BCO1: variants seen among roughly 807,000 people sequenced by gnomAD.
BCO1 encodes the protein beta,beta-carotene 15,15'-dioxygenase.
BCO1 carries 54 observed loss-of-function variants against 56.3 expected under a neutral mutation model. That is an observed-to-expected ratio of 0.96 (90% CI 0.77 to 1.20). The LOEUF (loss-of-function observed/expected upper bound fraction) is 1.20. Ranked by LOEUF, BCO1 falls within the 50% of genes most tolerant of loss-of-function variation. The probability of loss-of-function intolerance (pLI) is 0.00; values close to 1 mark genes in which losing one functional copy is unlikely to be tolerated. For missense variants in BCO1, 801 were observed against 690.9 expected (o/e 1.16, Z -1.79); for synonymous variants, 318 against 266.1 (o/e 1.20, Z -1.90).
intron 7 of BCO1, among the ~76,000 whole-genome samples, chr16:81,272,847 A>T (rs1013367272): frequency 1.3e-5 from 2 of 152,208 alleles, no homozygotes; most frequent in Non-Finnish European, 2.9e-5. Flanking sequence ...GTCCCTGTAG[A>T]AGCCTCATTT....
Position 81,290,391 on chromosome 16 carries a change from G to A in BCO1, c.1458G>A (p.Leu486=). 3.7e-6 allele frequency: 6 copies of A among 1,614,148 alleles called. No homozygotes were observed. The highest frequency in any genetic ancestry group is 4.2e-6 in the Non-Finnish European group (5 of 1,180,026). Residue 486 remains leucine, a synonymous_variant, in exon 11 of 11, where the codon CTG becomes CTA. Coordinates refer to ENST00000258168, the MANE Select transcript of BCO1 (RefSeq NM_017429.3). ...TTGTCTCTACTGATCCCCAAAAGCT[G>A]CCTTTTCTGCTCATTCTGGATGCCA... is the stretch of plus-strand genomic sequence containing the variant. ...SAIVSTDPQK[L]PFLLILDAKS... is the part of the protein sequence containing the mutation.
In BCO1 at chr16:81,275,366, G is replaced by A. The variant is rs529281343; in HGVS notation, c.1101+4950G>A. 5.3e-5 allele frequency among the ~76,000 whole-genome samples: 8 copies of A among 152,352 alleles called. No individual in the cohort carries two copies. The South Asian group carries it at 8.3e-4, about 16-fold the overall frequency. ...GCCCAGACCGGGGAAGCCCAGGCCC[G>A]GGTGTGGTCTCAGAAACCCCCAGTG... On this transcript the variant is annotated intron_variant, in intron 7 of 10. Coordinates refer to ENST00000258168, the MANE Select transcript of BCO1 (RefSeq NM_017429.3).
chr16:81,264,884 G>T, intron 5 of BCO1, 97 bp downstream of exon 5: 1 of 1,389,852 alleles, frequency 7.2e-7, no homozygotes, highest in South Asian at 1.2e-5. Context: ...ATCCAGTGTG[G>T]TACTTTCTCC....
chr16:81,262,818 C>G, intron 4 of BCO1: 1 of 142,140 alleles, frequency 7.0e-6, no homozygotes, highest in Non-Finnish European at 1.5e-5. Context: ...CAGAGTGAGA[C>G]TCTGTCTCAA....
chr16:81,248,986 T>TG (rs1567699343), intron 2 of BCO1, among the ~76,000 whole-genome samples: 1 of 152,078 alleles, frequency 6.6e-6, no homozygotes, highest in Non-Finnish European at 1.5e-5. Flanking sequence ...CACTCCAGCC[T>TG]GGGTGACACA....
chr16:81,287,489 A>AC lies in BCO1; in HGVS notation c.1414+90dup, dbSNP rs573976599. ...CAGAGACACCATCTGGGGGCAGCTGACCCCCCCAGGTCATAAAGGGGGTGG... is the reference window on the plus strand; with the variant it reads ...CAGAGACACCATCTGGGGGCAGCTGACCCCCCCCAGGTCATAAAGGGGGTGG... On this transcript the variant is annotated intron_variant, in intron 10 of 10. Transcript: ENST00000258168. 9.5e-5 allele frequency: 103 copies of AC among 1,079,340 alleles called. No individual in the cohort carries two copies. The African/African-American group carries it at 1.3e-3, about 14-fold the overall frequency. 66.9% of individuals were successfully genotyped at this position (1,079,340 alleles called of 1,614,324 possible).
At chr16:81,245,849 CTTTT>C (rs1176582576) in intron 2 of BCO1, among the ~76,000 whole-genome samples, 7 of 93,390 alleles carry the variant, frequency 7.5e-5, no homozygotes, top group South Asian at 9.6e-4. Flanking sequence ...CCATCTCTGT[CTTTT>C]TTTTTTTTTT....
intron 2 of BCO1, among the ~76,000 whole-genome samples, chr16:81,255,899 C>T (rs1480589686): frequency 6.6e-6 from 1 of 151,992 alleles, no homozygotes; most frequent in East Asian, 1.9e-4. Context: ...GATTTCGGCT[C>T]ACTGCAAGCT....
rs565876557 is a variant in BCO1, at chr16:81,254,892, G to T, written c.194-4784G>T. ...GCTCACTGTAGCCTTGACCTCCCAG[G>T]CTCAAGTGATCCTCCCGCCTCAGCC... is the stretch of plus-strand genomic sequence containing the variant. On this transcript the variant is annotated intron_variant, in intron 2 of 10. Coordinates refer to ENST00000258168, the MANE Select transcript of BCO1 (RefSeq NM_017429.3). 1.2e-4 allele frequency among the ~76,000 whole-genome samples: 18 copies of T among 152,220 alleles called. No individual in the cohort carries two copies. In the South Asian group the frequency reaches 3.7e-3, roughly 32 times the overall value.
At chr16:81,272,662 C>T (rs1435961473) in intron 7 of BCO1, among the ~76,000 whole-genome samples, 2 of 152,210 alleles carry the variant, frequency 1.3e-5, no homozygotes, top group African/African-American at 4.8e-5. Context: ...CTTACAAAGG[C>T]TTCTGGCTCC....
chr16:81,246,210 TCTGA>T (rs2151926745), intron 2 of BCO1, among the ~76,000 whole-genome samples: 1 of 152,206 alleles, frequency 6.6e-6, no homozygotes, highest in Non-Finnish European at 1.5e-5. Flanking sequence ...CACCTCCTCC[TCTGA>T]CTGACTTTCC....
At chr16:81,261,952 C>A in intron 3 of BCO1, 184 bp from the exon 4 acceptor site, 1 of 661,222 alleles carries the variant, frequency 1.5e-6, no homozygotes, top group Non-Finnish European at 2.7e-6. Flanking sequence ...CCGTGTTGGC[C>A]AGGATGGTCT....
chr16:81,286,053 T>A (rs4611449), intron 9 of BCO1, among the ~76,000 whole-genome samples: 12,124 of 150,170 alleles, frequency 0.081, 638 homozygotes, highest in Non-Finnish European at 0.12. Context: ...CCTTTTTATT[T>A]AAAAAAAAAA....
rs756913044 is a variant in BCO1, at chr16:81,245,504, C to G, written c.94C>G (p.Leu32Val). 3.1e-6 allele frequency: 5 copies of G among 1,613,784 alleles called. No individual in the cohort carries two copies. The highest frequency in any genetic ancestry group is 4.2e-6 in the Non-Finnish European group (5 of 1,179,714). ...GKIPAWLQGTLLRNGPGMHTV... is the reference protein window; with the variant it reads ...GKIPAWLQGTVLRNGPGMHTV... The stretch of plus-strand genomic sequence containing the variant: ...GATTCCAGCATGGCTGCAGGGAACC[C>G]TGCTCCGCAATGGGCCTGGGATGCA... Residue 32 changes from leucine to valine, a missense_variant, in exon 2 of 11, where the codon CTG becomes GTG. Transcript: ENST00000258168.
At chr16:81,266,854 A>G (rs546223596) in intron 5 of BCO1, among the ~76,000 whole-genome samples, 84 of 152,244 alleles carry the variant, frequency 5.5e-4, no homozygotes, top group African/African-American at 1.9e-3. Flanking sequence ...TTCAGTTTGC[A>G]TTGTGTTCCA....
At chr16:81,258,867 C>G (rs1049733753) in intron 2 of BCO1, among the ~76,000 whole-genome samples, 6 of 152,148 alleles carry the variant, frequency 3.9e-5, no homozygotes, top group African/African-American at 1.2e-4. Flanking sequence ...TGTTTGGTTT[C>G]TGGCGAGGGC....
intron 3 of BCO1, among the ~76,000 whole-genome samples, chr16:81,260,513 T>C (rs766404440): frequency 6.6e-6 from 1 of 152,124 alleles, no homozygotes; most frequent in African/African-American, 2.4e-5. Flanking sequence ...TTTATTCATT[T>C]ATTTATTTAT....
intron 5 of BCO1, among the ~76,000 whole-genome samples, chr16:81,266,762 C>A (rs987320147): frequency 1.3e-5 from 2 of 152,300 alleles, no homozygotes; most frequent in African/African-American, 4.8e-5. Context: ...AAGCAGAGAT[C>A]CTCTGAGCAC....
intron 1 of BCO1, among the ~76,000 whole-genome samples, chr16:81,240,010 A>G (rs1019879782): frequency 3.3e-5 from 5 of 152,100 alleles, no homozygotes; most frequent in Non-Finnish European, 5.9e-5. Context: ...GATTTTCGTG[A>G]GAACATCAGA....
Sources: allele counts gnomAD v4.1 joint callset (sites outside exome capture counted in the v4.1 genomes callset), GRCh38; gene constraint gnomAD v4.1.1; transcripts MANE v1.5; gene names NCBI Gene and HGNC (gene_info 2026-07-23, HGNC 2026-07-21).